TAS2R1: variants seen among roughly 807,000 people sequenced by gnomAD.
The protein encoded by TAS2R1 is taste receptor type 2 member 1.
For missense variants in TAS2R1, 370 were observed against 353.4 expected (o/e 1.05, Z -0.38); for synonymous variants, 141 against 134.2 (o/e 1.05, Z -0.35).
the TAS2R1 span, among the ~76,000 whole-genome samples, chr5:9,826,443 C>T: frequency 2.0e-5 from 3 of 152,110 alleles, no homozygotes; most frequent in African/African-American, 7.2e-5. Context: ...TAAAAAGAAA[C>T]ACACTAAAAT....
the TAS2R1 span, among the ~76,000 whole-genome samples, chr5:9,894,078 C>G: frequency 6.6e-6 from 1 of 152,120 alleles, no homozygotes; most frequent in African/African-American, 2.4e-5. Flanking sequence ...TTCCCATGGG[C>G]CCCAATCCAA....
intron 1 of TAS2R1, among the ~76,000 whole-genome samples, chr5:9,709,502 C>A (rs968173414): frequency 6.6e-6 from 1 of 152,150 alleles, no homozygotes; most frequent in Non-Finnish European, 1.5e-5. Context: ...CTTATGAAGT[C>A]CCCTCCCACT....
intron 1 of TAS2R1, among the ~76,000 whole-genome samples, chr5:9,668,762 T>C (rs1740690304): frequency 6.6e-6 from 1 of 152,012 alleles, no homozygotes; most frequent in South Asian, 2.1e-4. Flanking sequence ...CTTAAGCAAG[T>C]GCTAAATATG....
the TAS2R1 span, among the ~76,000 whole-genome samples, chr5:9,852,681 C>T: frequency 6.6e-6 from 1 of 152,116 alleles, no homozygotes; most frequent in Non-Finnish European, 1.5e-5. Flanking sequence ...AAGTATAAAT[C>T]CTCTTTAAAA....
chr5:9,832,762 A>G, the TAS2R1 span, among the ~76,000 whole-genome samples: 9,116 of 152,276 alleles, frequency 0.06, 649 homozygotes, highest in East Asian at 0.23. Flanking sequence ...CAATTGAAGC[A>G]CTTTGCAAAT....
At chr5:9,849,588 TC>T in the TAS2R1 span, among the ~76,000 whole-genome samples, 1 of 152,252 alleles carries the variant, frequency 6.6e-6, no homozygotes. Context: ...ACTTCTGTGT[TC>T]CCCCCTCCTC....
chr5:9,889,265 C>T, the TAS2R1 span, among the ~76,000 whole-genome samples: 2 of 152,238 alleles, frequency 1.3e-5, no homozygotes, highest in South Asian at 4.1e-4. Context: ...TGAAAATGTG[C>T]AGTCTTACTG....
chr5:9,855,910 A>G, the TAS2R1 span, among the ~76,000 whole-genome samples: 1 of 151,324 alleles, frequency 6.6e-6, no homozygotes, highest in Admixed American at 6.6e-5. Flanking sequence ...TTATAGCCCT[A>G]CATTCTGATT....
the TAS2R1 span, among the ~76,000 whole-genome samples, chr5:9,837,249 G>T: frequency 6.6e-6 from 1 of 152,174 alleles, no homozygotes; most frequent in East Asian, 1.9e-4. Context: ...ATGGAGAAGT[G>T]AGGAGACCCC....
chr5:9,769,142 T>C, the TAS2R1 span, among the ~76,000 whole-genome samples: 1 of 152,202 alleles, frequency 6.6e-6, no homozygotes, highest in Non-Finnish European at 1.5e-5. Context: ...GTTTTAATTT[T>C]TAGCTCTCAT....
chr5:9,713,844 G>T (rs1327133791), upstream of TAS2R1: 1 of 152,148 alleles, frequency 6.6e-6, no homozygotes, highest in Non-Finnish European at 1.5e-5. Context: ...CCAAACACTG[G>T]CTCACAGCTA....
intron 1 of TAS2R1, among the ~76,000 whole-genome samples, chr5:9,683,836 C>T (rs974211284): frequency 2.6e-5 from 4 of 151,960 alleles, no homozygotes; most frequent in East Asian, 1.9e-4. Flanking sequence ...GATGCCTCAG[C>T]CTCTGATTTG....
chr5:9,714,807 A>G (rs1734771272), upstream of TAS2R1, among the ~76,000 whole-genome samples: 1 of 152,240 alleles, frequency 6.6e-6, no homozygotes, highest in Admixed American at 6.5e-5. Context: ...CGAAGAGCCA[A>G]TCTAGAAACA....
intron 1 of TAS2R1, among the ~76,000 whole-genome samples, chr5:9,674,085 G>T (rs1176692847): frequency 6.6e-6 from 1 of 152,128 alleles, no homozygotes; most frequent in Non-Finnish European, 1.5e-5. Flanking sequence ...CTGGCATTTG[G>T]ATGCCTATCT....
intron 2 of TAS2R1, among the ~76,000 whole-genome samples, chr5:9,638,172 C>T (rs146089362): frequency 6.6e-6 from 1 of 152,306 alleles, no homozygotes; most frequent in Non-Finnish European, 1.5e-5. Context: ...GACAGCTGGA[C>T]TGACTGCAGT....
the TAS2R1 span, among the ~76,000 whole-genome samples, chr5:9,727,806 C>G: frequency 1.3e-5 from 2 of 152,178 alleles, no homozygotes; most frequent in Admixed American, 1.3e-4. Context: ...CCAAGGCAGC[C>G]TTGCAGAGCT....
the TAS2R1 span, among the ~76,000 whole-genome samples, chr5:9,887,419 ATCAGCACTC>A: frequency 6.6e-6 from 1 of 152,140 alleles, no homozygotes; most frequent in South Asian, 2.1e-4. Flanking sequence ...TCCCAGTTTC[ATCAGCACTC>A]TCAGCACTCT....
chr5:9,702,245 G>A (rs1741504106), intron 1 of TAS2R1, among the ~76,000 whole-genome samples: 1 of 152,164 alleles, frequency 6.6e-6, no homozygotes, highest in African/African-American at 2.4e-5. Flanking sequence ...CATTAACTAT[G>A]TATTTATTAA....
the TAS2R1 span, among the ~76,000 whole-genome samples, chr5:9,815,962 T>C: frequency 6.6e-6 from 1 of 152,174 alleles, no homozygotes; most frequent in African/African-American, 2.4e-5. Context: ...TTATCCTTTT[T>C]AAAAATATAT....
Sources: gnomAD v4.1 joint callset for allele counts (sites outside exome capture counted in the v4.1 genomes callset) on GRCh38, gnomAD v4.1.1 for gene constraint, MANE v1.5 for transcripts, NCBI Gene and HGNC (gene_info 2026-07-23, HGNC 2026-07-21) for gene names.